The following MYO5B variants were observed in gnomAD, a reference collection of about 807,000 sequenced individuals.
MYO5B encodes myosin VB.
MYO5B carries 143 observed loss-of-function variants against 229.3 expected under a neutral mutation model. That is an observed-to-expected ratio of 0.62 (90% CI 0.54 to 0.72). MYO5B has a LOEUF of 0.72. Among genes scored for constraint, MYO5B ranks in the 30% least tolerant of loss-of-function variants. The pLI is 0.00. For synonymous variants in MYO5B, 918 were observed against 885.2 expected (o/e 1.04, Z -0.66); for missense variants, 2,321 against 2,331.0 (o/e 1.00, Z 0.09).
chr18:50,016,931 A>C, intron 4 of MYO5B, among the ~76,000 whole-genome samples: 1 of 148,640 alleles, frequency 6.7e-6, no homozygotes, highest in South Asian at 2.2e-4. Context: ...CCCTACCCCA[A>C]ATTTAACCCT....
intron 18 of MYO5B, among the ~76,000 whole-genome samples, chr18:49,908,132 C>A (rs147385168): frequency 1.7e-3 from 260 of 152,304 alleles, no homozygotes; most frequent in Middle Eastern, 3.4e-3. Context: ...ACAGTACCTG[C>A]GCTTCATTCC....
At chr18:49,937,450 T>G in intron 14 of MYO5B, 53 bp from the exon 15 acceptor site, 1 of 1,595,000 alleles carries the variant, frequency 6.3e-7, no homozygotes, top group Non-Finnish European at 8.6e-7. Flanking sequence ...GCACCTTACA[T>G]GTTTCCTCTC....
In MYO5B at chr18:50,194,839, C is replaced by T. The variant is rs1285933664; in HGVS notation, c.-46G>A. The T allele has an allele frequency of 1.6e-6, 2 of 1,287,194 alleles. No individual in the cohort carries two copies. Among genetic ancestry groups the T allele is most frequent in the Non-Finnish European group, 2.0e-6 (2 of 1,022,822 alleles). The allele number at this position is 1,287,194 out of a possible 1,614,324, so 79.7% of individuals were successfully genotyped here. ...CGGGCCCCGGCTCCTGGCTGCCCCG[C>T]GGCTCTCAGTCCGCGGCTGGCCCGC... On this transcript the variant is annotated 5_prime_UTR_variant, in exon 1 of 40. Coordinates refer to ENST00000285039, the MANE Select transcript of MYO5B (RefSeq NM_001080467.3).
chr18:49,842,668 A>G (rs983573702), intron 34 of MYO5B, among the ~76,000 whole-genome samples: 1 of 152,210 alleles, frequency 6.6e-6, no homozygotes, highest in African/African-American at 2.4e-5. Context: ...CTGTTTCTGC[A>G]GTGGCTGCAC....
In MYO5B at chr18:49,998,350, C is replaced by T. The variant is rs1370531039; in HGVS notation, c.612+2905G>A. 2.0e-5 allele frequency among the ~76,000 whole-genome samples: 3 copies of T among 152,032 alleles called. No individual in the cohort carries two copies. In the East Asian group the frequency reaches 5.8e-4, roughly 29 times the overall value. On this transcript the variant is annotated intron_variant, in intron 5 of 39. Transcript: ENST00000285039. The stretch of plus-strand genomic sequence containing the variant: ...CCACTGTAGCATTTATTTACATGAC[C>T]ATGTAAGATTAAGCTGGTTCATGTA...
intron 10 of MYO5B, chr18:49,970,953 C>T (rs1341088242): frequency 5.3e-5 from 8 of 152,260 alleles, no homozygotes. Flanking sequence ...TTTTGCCACT[C>T]TTGCTCAAAA....
intron 17 of MYO5B, among the ~76,000 whole-genome samples, chr18:49,920,083 C>T (rs2025058123): frequency 1.3e-5 from 2 of 152,130 alleles, no homozygotes; most frequent in Admixed American, 6.5e-5. Flanking sequence ...TATGTGATTC[C>T]ATTTATATGA....
rs182174169 is a variant in MYO5B at position 50,042,543 on chromosome 18, T to C, written c.139-2229A>G. Among the ~76,000 whole-genome samples the C allele has an allele frequency of 5.2e-3, 799 of 152,312 alleles. 3 individuals are homozygous for C. Among genetic ancestry groups the C allele is most frequent in the Non-Finnish European group, 6.1e-3 (417 of 68,022 alleles). On this transcript the variant is annotated intron_variant, in intron 2 of 39. Coordinates refer to ENST00000285039, the MANE Select transcript of MYO5B (RefSeq NM_001080467.3). ...AACCAGTGAACAATTAACTATCATGTAGACGATGCAGAAAAATTTCCAAAA... is the reference window on the plus strand; with the variant it reads ...AACCAGTGAACAATTAACTATCATGCAGACGATGCAGAAAAATTTCCAAAA...
chr18:50,043,075 C>T (rs1447244029), intron 2 of MYO5B, among the ~76,000 whole-genome samples: 1 of 151,286 alleles, frequency 6.6e-6, no homozygotes, highest in Non-Finnish European at 1.5e-5. Flanking sequence ...AGCAAACCCA[C>T]TATTGTGTAT....
At position 49,940,639 on chromosome 18, in the gene MYO5B, G is replaced by A. The variant is rs1021266082; in HGVS notation, c.1753-3242C>T. Among the ~76,000 whole-genome samples, 10 of 152,138 alleles carry A rather than the reference G, an allele frequency of 6.6e-5. No homozygotes were observed. The East Asian group carries it at 9.6e-4, about 15-fold the overall frequency. On this transcript the variant is annotated intron_variant, in intron 14 of 39. Coordinates refer to ENST00000285039, the MANE Select transcript of MYO5B (RefSeq NM_001080467.3). Reference sequence around the variant, plus strand: ...CTCAGTGAACCCCCCTCAGTCTGACGACTCTGGTATTTTTCACATATTAAA... The same window carrying A: ...CTCAGTGAACCCCCCTCAGTCTGACAACTCTGGTATTTTTCACATATTAAA...
chr18:50,054,967 C>G (rs1263756434), intron 2 of MYO5B, among the ~76,000 whole-genome samples: 4 of 152,132 alleles, frequency 2.6e-5, no homozygotes, highest in Admixed American at 2.0e-4. Flanking sequence ...TCCCTCACTT[C>G]CCAGTGAGGT....
intron 12 of MYO5B, among the ~76,000 whole-genome samples, chr18:49,958,963 G>A (rs1286314848): frequency 6.6e-6 from 1 of 152,190 alleles, no homozygotes; most frequent in African/African-American, 2.4e-5. Context: ...TCTCCCCTGT[G>A]GGCTGATACC....
chr18:50,188,122 T>C (rs545139160), intron 1 of MYO5B, among the ~76,000 whole-genome samples: 2 of 152,338 alleles, frequency 1.3e-5, no homozygotes, highest in East Asian at 3.9e-4. Context: ...TCTGTAAGTG[T>C]ATATTTCAAA....
chr18:49,898,652 G>A lies in MYO5B; in HGVS notation c.2812-3478C>T, dbSNP rs114401380. 4.0e-3 allele frequency among the ~76,000 whole-genome samples: 608 copies of A among 152,286 alleles called. 5 individuals are homozygous for A. Among genetic ancestry groups the A allele is most frequent in the African/African-American group, 0.014 (589 of 41,558 alleles). On this transcript the variant is annotated intron_variant, in intron 21 of 39. Transcript: ENST00000285039. The stretch of plus-strand genomic sequence containing the variant: ...TTATGAAAGCCCACAGGAAAAACAA[G>A]TCAGCACCACGGACAGCTCCAAATC...
At chr18:49,847,431 AG>A (rs2024144246) in intron 32 of MYO5B, 142 bp from the exon 33 acceptor site, 1 of 1,049,042 alleles carries the variant, frequency 9.5e-7, no homozygotes, top group Non-Finnish European at 1.4e-6. Flanking sequence ...CACCTGGGGC[AG>A]GGGGCATACT....
At chr18:50,093,205 CAG>C (rs1230400010) in intron 1 of MYO5B, among the ~76,000 whole-genome samples, 20 of 92,852 alleles carry the variant, frequency 2.2e-4, no homozygotes, top group African/African-American at 8.5e-4. Context: ...CACACACACA[CAG>C]ACACACACAC....
intron 4 of MYO5B, among the ~76,000 whole-genome samples, chr18:50,012,101 C>T (rs1228477132): frequency 6.6e-6 from 1 of 152,198 alleles, no homozygotes; most frequent in South Asian, 2.1e-4. Flanking sequence ...TGCTGGATCC[C>T]ACACCACACC....
At chr18:49,948,061 T>TAA (rs1290649634) in intron 14 of MYO5B, among the ~76,000 whole-genome samples, 1 of 98,602 alleles carries the variant, frequency 1.0e-5, no homozygotes, top group African/African-American at 4.2e-5. Context: ...TAAAGTATAA[T>TAA]AATAATAAAA....
chr18:50,131,926 G>C (rs780037700), intron 1 of MYO5B, among the ~76,000 whole-genome samples: 2 of 152,110 alleles, frequency 1.3e-5, no homozygotes, highest in Non-Finnish European at 2.9e-5. Flanking sequence ...ATCAGATCTG[G>C]ACCTGAACTT....
Sources: allele counts gnomAD v4.1 joint callset (sites outside exome capture counted in the v4.1 genomes callset), GRCh38; gene constraint gnomAD v4.1.1; transcripts MANE v1.5; gene names NCBI Gene and HGNC (gene_info 2026-07-23, HGNC 2026-07-21).